PEPD: variants seen among roughly 807,000 people sequenced by gnomAD.
The protein encoded by PEPD is xaa-Pro dipeptidase.
PEPD carries 53 observed loss-of-function variants against 60.7 expected under a neutral mutation model. The observed-to-expected ratio is 0.87, with a 90% CI of 0.70 to 1.10. The LOEUF (loss-of-function observed/expected upper bound fraction) is 1.10. PEPD is among the 50% of genes least tolerant of loss of function. The pLI is 0.00. For missense variants in PEPD, 711 were observed against 711.9 expected (o/e 1.00, Z 0.01); for synonymous variants, 267 against 284.1 (o/e 0.94, Z 0.60).
chr19:33,496,731 G>A (rs1210201617), intron 4 of PEPD, among the ~76,000 whole-genome samples: 1 of 152,194 alleles, frequency 6.6e-6, no homozygotes, highest in Non-Finnish European at 1.5e-5. Context: ...AGCCAGCATC[G>A]ATTTCTCCGG....
At chr19:33,450,745 A>C (rs1186740053) in intron 9 of PEPD, among the ~76,000 whole-genome samples, 3 of 152,230 alleles carry the variant, frequency 2.0e-5, no homozygotes, top group Non-Finnish European at 4.4e-5. Flanking sequence ...ACTAGAAGGT[A>C]GGGGAAAGGG....
At chr19:33,387,601 A>T in intron 14 of PEPD, 120 bp from the exon 15 acceptor site, 1 of 1,327,892 alleles carries the variant, frequency 7.5e-7, no homozygotes, top group South Asian at 1.2e-5. Flanking sequence ...TCCCTGGGAG[A>T]CGGGTGGCCT....
intron 6 of PEPD, among the ~76,000 whole-genome samples, chr19:33,488,562 T>C (rs1970438854): frequency 6.6e-6 from 1 of 152,032 alleles, no homozygotes; most frequent in South Asian, 2.1e-4. Context: ...AGAGAGCAGC[T>C]CCATGGCCAG....
chr19:33,398,447 G>C (rs1968415683), intron 12 of PEPD, among the ~76,000 whole-genome samples: 1 of 152,216 alleles, frequency 6.6e-6, no homozygotes, highest in South Asian at 2.1e-4. Flanking sequence ...AGAGTGGGAG[G>C]CCAGCCCTGT....
At chr19:33,416,688 G>A (rs924744383) in intron 9 of PEPD, among the ~76,000 whole-genome samples, 4 of 152,224 alleles carry the variant, frequency 2.6e-5, no homozygotes, top group Admixed American at 2.6e-4. Flanking sequence ...CGGCTGCTGT[G>A]TGGGCCCCGT....
At position 33,400,542 on chromosome 19, in the gene PEPD, C is replaced by G. The variant is rs541040843; in HGVS notation, c.967+1179G>C. On this transcript the variant is annotated intron_variant, in intron 12 of 14. Coordinates refer to ENST00000244137, the MANE Select transcript of PEPD (RefSeq NM_000285.4). ...AGGGAAAGCCCCTCTGCGCTGCAGG[C>G]TGGACCCTGGCAGCTGCCGAACAGA... 2.2e-3 allele frequency among the ~76,000 whole-genome samples: 334 copies of G among 152,358 alleles called. 1 individual carries two copies. The highest frequency in any genetic ancestry group is 2.6e-3 in the Non-Finnish European group (178 of 68,020).
chr19:33,472,452 A>G lies in PEPD; in HGVS notation c.548+5594T>C, dbSNP rs117903521. Among the ~76,000 whole-genome samples, 62 of 152,340 alleles carry G rather than the reference A, an allele frequency of 4.1e-4. No individual in the cohort carries two copies. The East Asian group carries it at 7.7e-3, about 19-fold the overall frequency. ...GCTCATGGCCACGCTGTGGGCATCAACATGCCTGGAGGCTGCTCAAACAGA... is the reference window on the plus strand; with the variant it reads ...GCTCATGGCCACGCTGTGGGCATCAGCATGCCTGGAGGCTGCTCAAACAGA... On this transcript the variant is annotated intron_variant, in intron 7 of 14. Transcript: ENST00000244137.
chr19:33,416,964 A>G (rs1295256588), intron 9 of PEPD, among the ~76,000 whole-genome samples: 1 of 152,176 alleles, frequency 6.6e-6, no homozygotes, highest in Non-Finnish European at 1.5e-5. Context: ...GTCCCCAGAG[A>G]CGGCGTCGCT....
Position 33,413,451 on chromosome 19 carries a change from C to T in PEPD, c.740+124G>A, listed in dbSNP as rs546073017. The T allele has an allele frequency of 4.9e-4, 330 of 672,472 alleles. 6 individuals are homozygous for T. The highest frequency in any genetic ancestry group is 4.7e-3 in the South Asian group (287 of 61,024). 41.7% of individuals were successfully genotyped at this position (672,472 alleles called of 1,614,324 possible). A position where few individuals can be genotyped will look rare whatever the true frequency, so the allele number is the denominator to read the frequency against. ...GAGCGACTTCCAAGCTTGGGCCGGG[C>T]GCTGGTGTGGGCGTGTGAGTGAGCA... is the stretch of plus-strand genomic sequence containing the variant. On this transcript the variant is annotated intron_variant, in intron 10 of 14. Coordinates refer to ENST00000244137, the MANE Select transcript of PEPD (RefSeq NM_000285.4).
At chr19:33,452,202 CA>C (rs769433470) in intron 9 of PEPD, among the ~76,000 whole-genome samples, 13 of 152,084 alleles carry the variant, frequency 8.5e-5, no homozygotes, top group Non-Finnish European at 1.6e-4. Flanking sequence ...AAAAGGTCAC[CA>C]AGAAAAATTC....
intron 12 of PEPD, among the ~76,000 whole-genome samples, chr19:33,398,847 C>G (rs909779650): frequency 6.6e-6 from 1 of 152,308 alleles, no homozygotes; most frequent in East Asian, 1.9e-4. Flanking sequence ...TTTTCACAGG[C>G]GCACGGGAAT....
chr19:33,508,340 T>A (rs1225651052), intron 3 of PEPD, among the ~76,000 whole-genome samples: 1 of 152,148 alleles, frequency 6.6e-6, no homozygotes, highest in African/African-American at 2.4e-5. Flanking sequence ...AGGCCACAAC[T>A]CTGCTCTGGG....
At chr19:33,436,822 C>T (rs1275627684) in intron 9 of PEPD, among the ~76,000 whole-genome samples, 2 of 152,234 alleles carry the variant, frequency 1.3e-5, no homozygotes, top group Non-Finnish European at 2.9e-5. Context: ...AGAGAGGCCC[C>T]TGGGGCCGGT....
At chr19:33,471,093 G>A (rs1053165592) in intron 7 of PEPD, among the ~76,000 whole-genome samples, 4 of 152,120 alleles carry the variant, frequency 2.6e-5, no homozygotes, top group Non-Finnish European at 5.9e-5. Flanking sequence ...GGACCTACTT[G>A]CTTTTCTAAT....
intron 11 of PEPD, among the ~76,000 whole-genome samples, chr19:33,409,436 G>A (rs1008295792): frequency 6.6e-6 from 1 of 152,232 alleles, no homozygotes; most frequent in Admixed American, 6.5e-5. Context: ...TTGGGAGGCC[G>A]AGGCAAGAGG....
At chr19:33,463,916 T>C in intron 8 of PEPD, 71 bp downstream of exon 8, 1 of 1,012,964 alleles carries the variant, frequency 9.9e-7, no homozygotes, top group Non-Finnish European at 1.5e-6. Context: ...AAACCCTTCA[T>C]CCTCACGCAG....
intron 1 of PEPD, among the ~76,000 whole-genome samples, chr19:33,520,131 T>A (rs1325569174): frequency 6.6e-6 from 1 of 151,496 alleles, no homozygotes; most frequent in Non-Finnish European, 1.5e-5. Context: ...CCAGACTTGC[T>A]CCCGTCCAGA....
chr19:33,402,482 G>A, intron 11 of PEPD, among the ~76,000 whole-genome samples: 1 of 152,222 alleles, frequency 6.6e-6, no homozygotes, highest in East Asian at 1.9e-4. Flanking sequence ...AGGGCCTCTG[G>A]CTCTGCTGCA....
At chr19:33,489,524 G>A (rs1429012985) in intron 6 of PEPD, among the ~76,000 whole-genome samples, 1 of 152,086 alleles carries the variant, frequency 6.6e-6, no homozygotes, top group African/African-American at 2.4e-5. Flanking sequence ...AGCTACTCAG[G>A]AGGCTGAGGC....
Sources: gnomAD v4.1 joint callset for allele counts (sites outside exome capture counted in the v4.1 genomes callset) on GRCh38, gnomAD v4.1.1 for gene constraint, MANE v1.5 for transcripts, NCBI Gene and HGNC (gene_info 2026-07-23, HGNC 2026-07-21) for gene names.